Variants in MYO1D observed in about 807,000 individuals in gnomAD.
MYO1D encodes the protein unconventional myosin-Id.
In MYO1D, 83 loss-of-function variants were observed where a neutral mutation model predicts 122.0. The ratio of observed to expected loss-of-function variants is 0.68; its 90% CI spans 0.57 to 0.82. The LOEUF (loss-of-function observed/expected upper bound fraction) is 0.82, where lower values mean the gene tolerates loss of function less well. MYO1D is among the 40% of genes least tolerant of loss of function. The pLI, the probability that MYO1D is intolerant of heterozygous loss-of-function variation, is 0.00. For missense variants in MYO1D, 1,157 were observed against 1,269.5 expected (o/e 0.91, Z 1.35); for synonymous variants, 464 against 446.9 (o/e 1.04, Z -0.48).
chr17:32,528,791 G>A (rs1334881646), intron 21 of MYO1D, among the ~76,000 whole-genome samples: 1 of 152,174 alleles, frequency 6.6e-6, no homozygotes, highest in Admixed American at 6.5e-5. Flanking sequence ...AGGAGTGCCG[G>A]CAGCTCCCAG....
Position 32,494,933 on chromosome 17 carries a change from A to C in MYO1D, c.2865-18T>G. The C allele has an allele frequency of 6.3e-7, 1 of 1,578,160 alleles. No individual in the cohort carries two copies. Among genetic ancestry groups the C allele is most frequent in the Non-Finnish European group, 8.6e-7 (1 of 1,156,746 alleles). ...GCTTCTCACTGCAGGAACCAAAAAC[A>C]CCAGACGGGCAGTTAGCAGGCAGCA... is the stretch of plus-strand genomic sequence containing the variant. On this transcript the variant is annotated intron_variant, in intron 21 of 21. Coordinates refer to ENST00000318217, the MANE Select transcript of MYO1D (RefSeq NM_015194.3).
At chr17:32,750,529 A>T (rs2089888131) in intron 11 of MYO1D, among the ~76,000 whole-genome samples, 2 of 151,962 alleles carry the variant, frequency 1.3e-5, no homozygotes. Context: ...GCGGGAGAAT[A>T]GCATGAACCT....
intron 21 of MYO1D, among the ~76,000 whole-genome samples, chr17:32,582,081 T>C (rs2087346781): frequency 6.6e-6 from 1 of 151,914 alleles, no homozygotes; most frequent in Non-Finnish European, 1.5e-5. Context: ...TGGCTGATTT[T>C]TTTGTAATTT....
At chr17:32,545,818 TGAAGA>T (rs1234001782) in intron 21 of MYO1D, among the ~76,000 whole-genome samples, 4 of 151,944 alleles carry the variant, frequency 2.6e-5, no homozygotes, top group Non-Finnish European at 5.9e-5. Context: ...TCTACAATAC[TGAAGA>T]ACAGAAAGTA....
In MYO1D at chr17:32,785,859, C is replaced by G. The variant is rs541076928; in HGVS notation, c.96-5075G>C. ...ATCACTTCAAATACCATTCAAGGGT[C>G]TTCCATTTAAGGAGGATAAAGTAAT... On this transcript the variant is annotated intron_variant, in intron 1 of 21. Transcript: ENST00000318217. 7.2e-5 allele frequency among the ~76,000 whole-genome samples: 11 copies of G among 152,264 alleles called. No homozygotes were observed. In the South Asian group the frequency reaches 2.3e-3, roughly 32 times the overall value.
chr17:32,809,431 C>CTTTTTTT (rs57040549), intron 1 of MYO1D, among the ~76,000 whole-genome samples: 56 of 135,936 alleles, frequency 4.1e-4, no homozygotes, highest in Admixed American at 3.7e-4. Flanking sequence ...TGGCCTAGGC[C>CTTTTTTT]TTTTTTTTTT....
intron 11 of MYO1D, among the ~76,000 whole-genome samples, 179 bp from the exon 12 acceptor site, chr17:32,749,185 C>G (rs377687493): frequency 6.6e-6 from 1 of 152,218 alleles, no homozygotes; most frequent in African/African-American, 2.4e-5. Flanking sequence ...GAAATCCACA[C>G]AGCTAGACTA....
At chr17:32,627,576 C>T (rs931710960) in intron 20 of MYO1D, among the ~76,000 whole-genome samples, 3 of 152,224 alleles carry the variant, frequency 2.0e-5, no homozygotes, top group South Asian at 4.1e-4. Context: ...ACAGTCACAT[C>T]GGTTCAGATA....
intron 8 of MYO1D, among the ~76,000 whole-genome samples, chr17:32,761,649 T>C (rs1188226888): frequency 2.0e-5 from 3 of 152,042 alleles, no homozygotes; most frequent in Admixed American, 2.0e-4. Flanking sequence ...AATACAAATA[T>C]AATATGACTC....
intron 11 of MYO1D, among the ~76,000 whole-genome samples, chr17:32,750,911 C>T (rs1216875161): frequency 2.0e-5 from 3 of 152,114 alleles, no homozygotes; most frequent in Admixed American, 6.6e-5. Context: ...CTTAGTTCCC[C>T]TTTTCTGCTC....
At chr17:32,725,018 C>T (rs2089555770) in intron 14 of MYO1D, among the ~76,000 whole-genome samples, 2 of 151,880 alleles carry the variant, frequency 1.3e-5, no homozygotes, top group Non-Finnish European at 2.9e-5. Flanking sequence ...AATAAACGAA[C>T]CTGCAGGTAT....
chr17:32,519,867 T>G (rs1910056479), intron 21 of MYO1D, among the ~76,000 whole-genome samples: 1 of 147,246 alleles, frequency 6.8e-6, no homozygotes, highest in African/African-American at 2.5e-5. Context: ...CATTGAACAA[T>G]GGAGATGTGG....
intron 20 of MYO1D, among the ~76,000 whole-genome samples, chr17:32,634,577 T>C (rs192833111): frequency 2.1e-4 from 32 of 152,354 alleles, no homozygotes; most frequent in African/African-American, 7.7e-4. Context: ...GGTCCCATAG[T>C]GCGTGGCTGG....
chr17:32,797,816 T>A (rs1267581936), intron 1 of MYO1D, among the ~76,000 whole-genome samples: 1 of 152,212 alleles, frequency 6.6e-6, no homozygotes, highest in African/African-American at 2.4e-5. Flanking sequence ...GTCACAAAAC[T>A]TTTTAAAATT....
chr17:32,711,769 T>C (rs933220361), intron 16 of MYO1D, among the ~76,000 whole-genome samples: 1 of 152,148 alleles, frequency 6.6e-6, no homozygotes, highest in Middle Eastern at 3.2e-3. Flanking sequence ...TTCAGAGTTT[T>C]GAAGATAAAA....
intron 14 of MYO1D, among the ~76,000 whole-genome samples, chr17:32,726,084 A>G (rs986518090): frequency 6.6e-6 from 1 of 152,222 alleles, no homozygotes; most frequent in African/African-American, 2.4e-5. Flanking sequence ...AATATAATAG[A>G]GTGAGGTTAA....
chr17:32,802,265 T>G (rs1473301172), intron 1 of MYO1D, among the ~76,000 whole-genome samples: 1 of 152,258 alleles, frequency 6.6e-6, no homozygotes, highest in Non-Finnish European at 1.5e-5. Context: ...GCTTCCTCTT[T>G]GGACACAGAG....
chr17:32,857,352 G>A lies in MYO1D; in HGVS notation c.95+19426C>T, dbSNP rs145699523. Among the ~76,000 whole-genome samples, 86 of 152,240 alleles carry A rather than the reference G, an allele frequency of 5.6e-4. 1 individual carries two copies. The East Asian group carries it at 0.011, about 20-fold the overall frequency. On this transcript the variant is annotated intron_variant, in intron 1 of 21. Transcript: ENST00000318217. ...TGTAATCCCAGCACTTTGGGAGGAC[G>A]AGGTGGGCAAATCACCAGGTCAAGA...
intron 1 of MYO1D, among the ~76,000 whole-genome samples, chr17:32,807,000 TATACATA>T (rs1185744808): frequency 6.6e-6 from 1 of 152,230 alleles, no homozygotes; most frequent in Non-Finnish European, 1.5e-5. Flanking sequence ...CTCTTTGGTC[TATACATA>T]TTATATACAC....
Sources: allele counts gnomAD v4.1 joint callset (sites outside exome capture counted in the v4.1 genomes callset), GRCh38; gene constraint gnomAD v4.1.1; transcripts MANE v1.5; gene names NCBI Gene and HGNC (gene_info 2026-07-23, HGNC 2026-07-21).